NTRK3: variants seen among roughly 807,000 people sequenced by gnomAD.
NTRK3 encodes the protein NT-3 growth factor receptor.
NTRK3 carries 24 observed loss-of-function variants against 91.7 expected under a neutral mutation model. The ratio of observed to expected loss-of-function variants is 0.26; its 90% CI spans 0.19 to 0.37. The LOEUF is 0.37. Ranked by LOEUF, NTRK3 falls within the 10% of genes least tolerant of loss-of-function variation. The pLI, the probability that NTRK3 is intolerant of heterozygous loss-of-function variation, is 1.00. For synonymous variants in NTRK3, 483 were observed against 404.0 expected (o/e 1.20, Z -2.34); for missense variants, 880 against 1,068.9 (o/e 0.82, Z 2.46).
intron 14 of NTRK3, among the ~76,000 whole-genome samples, chr15:87,944,603 C>T (rs770736071): frequency 5.9e-5 from 9 of 152,288 alleles, no homozygotes; most frequent in East Asian, 3.9e-4. Context: ...AGGCTGCCTT[C>T]GCTCTGTCTT....
At chr15:87,887,486 C>T (rs1039821051) in intron 17 of NTRK3, among the ~76,000 whole-genome samples, 1 of 152,180 alleles carries the variant, frequency 6.6e-6, no homozygotes, top group African/African-American at 2.4e-5. Context: ...ACCCATTGAG[C>T]ATCGTTAAGT....
At chr15:87,915,693 T>C (rs757199532) in intron 17 of NTRK3, among the ~76,000 whole-genome samples, 2 of 152,226 alleles carry the variant, frequency 1.3e-5, no homozygotes, top group South Asian at 2.1e-4. Flanking sequence ...TAACTTAAAA[T>C]GGTTTAAAAT....
chr15:88,149,881 ATCT>A (rs1310461314), intron 5 of NTRK3, among the ~76,000 whole-genome samples: 1 of 152,208 alleles, frequency 6.6e-6, no homozygotes, highest in Non-Finnish European at 1.5e-5. Flanking sequence ...CTAGGTAGAA[ATCT>A]TCTGTTTTGC....
chr15:88,195,642 A>G (rs1275054041), intron 3 of NTRK3, among the ~76,000 whole-genome samples: 1 of 152,244 alleles, frequency 6.6e-6, no homozygotes, highest in Non-Finnish European at 1.5e-5. Flanking sequence ...AATCATGTTG[A>G]TTATAAAACC....
intron 16 of NTRK3, among the ~76,000 whole-genome samples, chr15:87,932,467 C>T (rs772835426): frequency 6.6e-6 from 1 of 152,128 alleles, no homozygotes; most frequent in Non-Finnish European, 1.5e-5. Context: ...GGACACTGTA[C>T]TGTACAGTTC....
intron 13 of NTRK3, among the ~76,000 whole-genome samples, chr15:88,056,741 G>A (rs1205973989): frequency 6.6e-6 from 1 of 152,208 alleles, no homozygotes; most frequent in Non-Finnish European, 1.5e-5. Flanking sequence ...CACTTTCTCA[G>A]TATCTCCCCA....
intron 14 of NTRK3, among the ~76,000 whole-genome samples, chr15:87,994,755 G>T (rs1044686532): frequency 6.6e-6 from 1 of 152,204 alleles, no homozygotes; most frequent in African/African-American, 2.4e-5. Context: ...ATGGGAAGCA[G>T]CTCAGTAAGG....
intron 6 of NTRK3, chr15:88,144,262 C>T (rs1026070338): frequency 6.6e-6 from 1 of 152,198 alleles, no homozygotes; most frequent in Non-Finnish European, 1.5e-5. Context: ...GCTGGTTACT[C>T]CAATGCAAGT....
At position 88,010,204 on chromosome 15, in the gene NTRK3, T is replaced by A. The variant is rs144368572; in HGVS notation, c.1585+22653A>T. ...CCTAACCCAACTTGAGGGTCCAGTC[T>A]CTGTCTACTCCTTCAGCCTCCAACA... On this transcript the variant is annotated intron_variant, in intron 14 of 18. Coordinates refer to ENST00000394480, the Ensembl canonical transcript of NTRK3. Among the ~76,000 whole-genome samples the A allele has an allele frequency of 3.6e-3, 552 of 152,306 alleles. 7 individuals are homozygous for A. Among genetic ancestry groups the A allele is most frequent in the African/African-American group, 0.013 (534 of 41,572 alleles).
chr15:88,105,584 G>A (rs1026369277), intron 13 of NTRK3, among the ~76,000 whole-genome samples: 3 of 150,968 alleles, frequency 2.0e-5, no homozygotes, highest in Non-Finnish European at 4.4e-5. Context: ...TCTGGGTCTG[G>A]ATTTACCAGC....
chr15:88,139,216 C>CT (rs1157505992), intron 6 of NTRK3, among the ~76,000 whole-genome samples: 1 of 152,164 alleles, frequency 6.6e-6, no homozygotes, highest in Non-Finnish European at 1.5e-5. Context: ...AGCAAGTCAC[C>CT]TCCCCTCTCA....
intron 3 of NTRK3, among the ~76,000 whole-genome samples, chr15:88,225,160 G>T (rs966248924): frequency 1.3e-5 from 2 of 152,278 alleles, no homozygotes; most frequent in African/African-American, 4.8e-5. Flanking sequence ...AATGAAAGGG[G>T]AAGAAGCCCA....
chr15:88,220,606 G>C lies in NTRK3; in HGVS notation c.248+35300C>G, dbSNP rs189613477. 9.5e-3 allele frequency among the ~76,000 whole-genome samples: 1,440 copies of C among 152,298 alleles called. 9 individuals carry two copies. Among genetic ancestry groups the C allele is most frequent in the Non-Finnish European group, 0.015 (999 of 68,026 alleles). On this transcript the variant is annotated intron_variant, in intron 3 of 18. Coordinates refer to ENST00000394480, the Ensembl canonical transcript of NTRK3. Reference sequence around the variant, plus strand: ...ATGAGAAGAGGCCCAGCCCTGGAAGGCTCTTGGGAAATGTTGGCAAGAGGA... The same window carrying C: ...ATGAGAAGAGGCCCAGCCCTGGAAGCCTCTTGGGAAATGTTGGCAAGAGGA...
At chr15:87,865,963 G>T (rs759133892) in exon 19 of NTRK3, 40 of 231,216 alleles carry the variant, frequency 1.7e-4, no homozygotes, top group South Asian at 3.6e-4. Flanking sequence ...TCTCAAAAGC[G>T]GCTCTCAGTC....
At chr15:88,208,881 T>G (rs1055954310) in intron 3 of NTRK3, among the ~76,000 whole-genome samples, 2 of 95,172 alleles carry the variant, frequency 2.1e-5, no homozygotes, top group African/African-American at 7.5e-5. Flanking sequence ...AAAGGTTCCT[T>G]AGGGGATCAA....
intron 3 of NTRK3, among the ~76,000 whole-genome samples, chr15:88,215,945 G>A (rs746498769): frequency 2.6e-5 from 4 of 152,170 alleles, no homozygotes; most frequent in Non-Finnish European, 5.9e-5. Flanking sequence ...TTTGAACCCA[G>A]GCAGCTTGAT....
exon 19 of NTRK3, chr15:87,871,296 A>C (rs901570552): frequency 3.5e-5 from 8 of 231,066 alleles, no homozygotes; most frequent in African/African-American, 1.5e-4. Context: ...AGCTTCTGTC[A>C]GAAGCCAAGA....
Position 87,880,348 on chromosome 15 carries a change from A to G in NTRK3, c.2214T>C (p.Asp738=), listed in dbSNP as rs1345542262. The G allele has an allele frequency of 2.5e-6, 4 of 1,614,118 alleles. No homozygotes were observed. The highest frequency in any genetic ancestry group is 3.4e-6 in the Non-Finnish European group (4 of 1,180,028). The change falls in exon 18 of 19, where the codon GAT becomes GAC. Residue 738 remains aspartate (D), a synonymous_variant. Transcript: ENST00000394480. ...AGAGGATCACCCCGAAGCTCCATAC[A>G]TCACTCTCTGTAGTGAACTTCCGGT...
intron 13 of NTRK3, among the ~76,000 whole-genome samples, chr15:88,061,818 G>A (rs111552310): frequency 1.4e-3 from 217 of 152,256 alleles, no homozygotes; most frequent in African/African-American, 5.0e-3. Flanking sequence ...GAGGCACTCA[G>A]AGCTGGGCTT....
Sources: gnomAD v4.1 joint callset for allele counts (sites outside exome capture counted in the v4.1 genomes callset) on GRCh38, gnomAD v4.1.1 for gene constraint, MANE v1.5 for transcripts, NCBI Gene and HGNC (gene_info 2026-07-23, HGNC 2026-07-21) for gene names.